The following TENM3 variants were observed in gnomAD, a reference collection of about 807,000 sequenced individuals.
TENM3 encodes the protein teneurin-3.
In TENM3, 63 loss-of-function variants were observed where a neutral mutation model predicts 255.1. The ratio of observed to expected loss-of-function variants is 0.25; its 90% CI spans 0.20 to 0.30. The LOEUF (loss-of-function observed/expected upper bound fraction) is 0.30. TENM3 is among the 10% of genes least tolerant of loss of function. The probability of loss-of-function intolerance (pLI) is 1.00; values close to 1 mark genes in which losing one functional copy is unlikely to be tolerated. For synonymous variants in TENM3, 1,306 were observed against 1,322.3 expected, an observed-to-expected ratio of 0.99 and a Z score of 0.27; for missense variants, 2,929 against 3,461.1, an observed-to-expected ratio of 0.85 and a Z score of 3.86.
At chr4:182,736,647 C>A (rs1201463421) in intron 16 of TENM3, among the ~76,000 whole-genome samples, 161 bp from the exon 17 acceptor site, 1 of 152,134 alleles carries the variant, frequency 6.6e-6, no homozygotes, top group Admixed American at 6.5e-5. Context: ...ATTTTAGTTG[C>A]TCTAAAGCAG....
the TENM3 span, among the ~76,000 whole-genome samples, chr4:181,570,292 G>T: frequency 3.9e-5 from 6 of 152,062 alleles, no homozygotes; most frequent in African/African-American, 1.4e-4. Flanking sequence ...TGATCCACCC[G>T]CCTCGGCCTC....
At chr4:182,100,644 T>TAC in the TENM3 span, among the ~76,000 whole-genome samples, 6 of 68,682 alleles carry the variant, frequency 8.7e-5, no homozygotes, top group African/African-American at 2.4e-4. Context: ...TACACATATA[T>TAC]ATACACATAT....
chr4:182,694,013 A>T (rs1182958189), intron 12 of TENM3, among the ~76,000 whole-genome samples: 1 of 152,236 alleles, frequency 6.6e-6, no homozygotes, highest in African/African-American at 2.4e-5. Context: ...TTATTATTAT[A>T]AAATATAATC....
chr4:182,574,495 C>T (rs1459994568), intron 3 of TENM3, among the ~76,000 whole-genome samples: 2 of 152,058 alleles, frequency 1.3e-5, no homozygotes, highest in African/African-American at 4.8e-5. Context: ...AATGAATTCT[C>T]CTGAGCCACT....
intron 3 of TENM3, among the ~76,000 whole-genome samples, chr4:182,531,835 C>A (rs1429131390): frequency 1.3e-5 from 2 of 152,194 alleles, no homozygotes; most frequent in Non-Finnish European, 2.9e-5. Context: ...AGAAGGAAAG[C>A]GGATTCAGCA....
the TENM3 span, among the ~76,000 whole-genome samples, chr4:181,520,282 C>T: frequency 6.6e-6 from 1 of 152,158 alleles, no homozygotes; most frequent in Admixed American, 6.5e-5. Flanking sequence ...AGCCGTGCCG[C>T]CCTGGCAGAA....
At chr4:182,742,873 AT>A (rs1761714521) in intron 18 of TENM3, among the ~76,000 whole-genome samples, 1 of 152,214 alleles carries the variant, frequency 6.6e-6, no homozygotes, top group African/African-American at 2.4e-5. Flanking sequence ...GCCATGACTG[AT>A]CATCACTGAT....
At chr4:181,972,409 C>A in the TENM3 span, among the ~76,000 whole-genome samples, 1 of 138,376 alleles carries the variant, frequency 7.2e-6, no homozygotes, top group Non-Finnish European at 1.5e-5. Flanking sequence ...CACTCCAACC[C>A]GGATGACAGA....
chr4:181,680,795 G>T, the TENM3 span, among the ~76,000 whole-genome samples: 10 of 152,020 alleles, frequency 6.6e-5, no homozygotes, highest in Non-Finnish European at 4.4e-5. Flanking sequence ...TTTCACAGAT[G>T]CATCGTTAAT....
the TENM3 span, among the ~76,000 whole-genome samples, chr4:181,952,039 A>G: frequency 6.6e-6 from 1 of 152,230 alleles, no homozygotes; most frequent in Non-Finnish European, 1.5e-5. Context: ...TAGTCACAGA[A>G]TTAGACTTTT....
chr4:182,020,824 C>T, the TENM3 span, among the ~76,000 whole-genome samples: 1 of 152,342 alleles, frequency 6.6e-6, no homozygotes, highest in South Asian at 2.1e-4. Context: ...ACTCTCAAGG[C>T]TTAGCCTACC....
chr4:182,352,918 A>G (rs987016474), intron 3 of TENM3, among the ~76,000 whole-genome samples: 7 of 152,116 alleles, frequency 4.6e-5, no homozygotes, highest in African/African-American at 1.7e-4. Flanking sequence ...GGGCAGTGCC[A>G]TTTCTTCTCT....
At chr4:181,956,690 C>T in the TENM3 span, among the ~76,000 whole-genome samples, 3 of 152,154 alleles carry the variant, frequency 2.0e-5, no homozygotes, top group African/African-American at 4.8e-5. Context: ...TGGCATTCTT[C>T]GGATTCCCAA....
the TENM3 span, among the ~76,000 whole-genome samples, chr4:181,951,775 A>G: frequency 6.6e-6 from 1 of 152,262 alleles, no homozygotes; most frequent in African/African-American, 2.4e-5. Flanking sequence ...TTACAGTTAC[A>G]TGCAACAGCA....
the TENM3 span, among the ~76,000 whole-genome samples, chr4:181,866,645 C>A: frequency 6.6e-6 from 1 of 152,146 alleles, no homozygotes; most frequent in African/African-American, 2.4e-5. Flanking sequence ...GAATATCAGG[C>A]CAGCTCCATT....
At chr4:181,847,890 A>G in the TENM3 span, among the ~76,000 whole-genome samples, 1 of 152,288 alleles carries the variant, frequency 6.6e-6, no homozygotes, top group East Asian at 1.9e-4. Context: ...GTTGTATTCC[A>G]GTATATGTGT....
chr4:182,700,701 C>G (rs1757783938), intron 12 of TENM3, among the ~76,000 whole-genome samples: 1 of 152,140 alleles, frequency 6.6e-6, no homozygotes, highest in Admixed American at 6.5e-5. Context: ...AATACTTTGC[C>G]AGCTGCTTTT....
chr4:182,024,474 A>T, the TENM3 span, among the ~76,000 whole-genome samples: 4 of 151,626 alleles, frequency 2.6e-5, no homozygotes, highest in South Asian at 2.1e-4. Flanking sequence ...TGTATTTTTT[A>T]AAAATGATTT....
the TENM3 span, among the ~76,000 whole-genome samples, chr4:182,128,805 T>G: frequency 2.0e-5 from 3 of 152,318 alleles, no homozygotes; most frequent in South Asian, 6.2e-4. Context: ...TATTAAACCC[T>G]GAAACAACTC....
Sources: gnomAD v4.1 joint callset for allele counts (sites outside exome capture counted in the v4.1 genomes callset) on GRCh38, gnomAD v4.1.1 for gene constraint, MANE v1.5 for transcripts, NCBI Gene and HGNC (gene_info 2026-07-23, HGNC 2026-07-21) for gene names.